TAFA2: variants seen among roughly 807,000 people sequenced by gnomAD.
TAFA2 encodes the protein TAFA chemokine like family member 2.
Under a neutral mutation model 18.8 loss-of-function variants are expected in TAFA2, and 7 were observed. That is an observed-to-expected ratio of 0.37 (90% CI 0.21 to 0.70). TAFA2 has a LOEUF of 0.70. TAFA2 is among the 30% of genes least tolerant of loss of function. TAFA2 has a pLI of 0.53. For missense variants in TAFA2, 122 were observed against 158.1 expected, an observed-to-expected ratio of 0.77 and a Z score of 1.23; for synonymous variants, 60 against 54.2, an observed-to-expected ratio of 1.11 and a Z score of -0.47.
At chr12:61,906,332 A>G (rs760980758) in intron 1 of TAFA2, among the ~76,000 whole-genome samples, 1 of 152,154 alleles carries the variant, frequency 6.6e-6, no homozygotes, top group Non-Finnish European at 1.5e-5. Flanking sequence ...TGCAGTTCTC[A>G]TGATAGTGAA....
chr12:62,233,387 G>A (rs939679850), intron 1 of TAFA2, among the ~76,000 whole-genome samples: 11 of 151,966 alleles, frequency 7.2e-5, no homozygotes, highest in Non-Finnish European at 1.6e-4. Context: ...AGCCCACTTT[G>A]TGCATTTCTA....
intron 1 of TAFA2, among the ~76,000 whole-genome samples, chr12:62,152,431 G>A (rs2062334859): frequency 6.6e-6 from 1 of 152,174 alleles, no homozygotes; most frequent in Non-Finnish European, 1.5e-5. Context: ...TCACTCCTTA[G>A]AGATTTTACT....
chr12:61,779,644 G>T (rs1033366873), intron 2 of TAFA2, among the ~76,000 whole-genome samples: 2 of 151,758 alleles, frequency 1.3e-5, no homozygotes, highest in Admixed American at 6.6e-5. Flanking sequence ...CTCCTAGTGG[G>T]GATAAATCAT....
intron 4 of TAFA2, among the ~76,000 whole-genome samples, chr12:61,721,150 G>C (rs78977089): frequency 0.019 from 2,950 of 151,806 alleles, 87 homozygotes; most frequent in African/African-American, 0.068. Context: ...CCTTTAAATG[G>C]GACTAAAATA....
chr12:62,074,488 T>C (rs1031665799), intron 1 of TAFA2, among the ~76,000 whole-genome samples: 1 of 152,186 alleles, frequency 6.6e-6, no homozygotes, highest in African/African-American at 2.4e-5. Context: ...TTTATTAATT[T>C]TGGAACTTCT....
At chr12:61,741,125 A>C (rs1052363504) in intron 4 of TAFA2, among the ~76,000 whole-genome samples, 6 of 152,146 alleles carry the variant, frequency 3.9e-5, no homozygotes, top group Non-Finnish European at 7.4e-5. Context: ...AACATTAAAA[A>C]TATGTGCAAT....
At chr12:62,170,883 G>A (rs10160858) in intron 1 of TAFA2, among the ~76,000 whole-genome samples, 64,461 of 151,890 alleles carry the variant, frequency 0.42, 13,946 homozygotes, top group Middle Eastern at 0.49. Context: ...TACCTTGGCC[G>A]TTGGCTTATT....
At chr12:61,913,293 G>T (rs1876687363) in intron 1 of TAFA2, among the ~76,000 whole-genome samples, 1 of 152,162 alleles carries the variant, frequency 6.6e-6, no homozygotes. Flanking sequence ...TATACACAGT[G>T]CCCTTCCTAT....
intron 1 of TAFA2, among the ~76,000 whole-genome samples, chr12:61,957,612 G>A (rs544277999): frequency 1.3e-5 from 2 of 152,224 alleles, no homozygotes; most frequent in African/African-American, 4.8e-5. Flanking sequence ...GCAGGCCAAA[G>A]ACAGGACTGG....
chr12:61,789,066 C>G (rs1225930513), intron 2 of TAFA2, among the ~76,000 whole-genome samples: 2 of 151,794 alleles, frequency 1.3e-5, no homozygotes, highest in Admixed American at 6.6e-5. Flanking sequence ...GGACAGATTG[C>G]AAAAATTTTC....
chr12:61,990,717 C>T (rs73130978), intron 1 of TAFA2, among the ~76,000 whole-genome samples: 12,427 of 152,196 alleles, frequency 0.082, 581 homozygotes, highest in South Asian at 0.14. Flanking sequence ...AACAAAATTA[C>T]TTATGTGGTA....
intron 1 of TAFA2, among the ~76,000 whole-genome samples, chr12:61,939,429 G>A (rs1877905955): frequency 6.6e-6 from 1 of 151,660 alleles, no homozygotes; most frequent in African/African-American, 2.4e-5. Flanking sequence ...TGGTTTATTG[G>A]CAAAAAATAC....
chr12:61,809,429 C>A (rs1871768097), intron 2 of TAFA2, among the ~76,000 whole-genome samples: 1 of 151,314 alleles, frequency 6.6e-6, no homozygotes, highest in Non-Finnish European at 1.5e-5. Context: ...TTGAACTTTA[C>A]TTTTTCACTA....
chr12:61,918,107 C>T (rs994696042), intron 1 of TAFA2, among the ~76,000 whole-genome samples: 1 of 151,918 alleles, frequency 6.6e-6, no homozygotes, highest in Non-Finnish European at 1.5e-5. Context: ...GTAATAATCA[C>T]ATGAGGGTAA....
upstream of TAFA2, among the ~76,000 whole-genome samples, chr12:62,194,209 G>T (rs2062639179): frequency 6.6e-6 from 1 of 152,044 alleles, no homozygotes; most frequent in African/African-American, 2.4e-5. Context: ...TCAATAGTGT[G>T]ATGAAATTCA....
chr12:61,982,886 A>AAAAAAAAG (rs1555181073), intron 1 of TAFA2, among the ~76,000 whole-genome samples: 4 of 151,756 alleles, frequency 2.6e-5, no homozygotes, highest in Non-Finnish European at 5.9e-5. Context: ...CAAAAAAAAA[A>AAAAAAAAG]AAAAAAAAGT....
intron 4 of TAFA2, among the ~76,000 whole-genome samples, chr12:61,727,596 G>T (rs1378402907): frequency 6.6e-6 from 1 of 151,564 alleles, no homozygotes. Flanking sequence ...GAGCTTATTT[G>T]GATCTTCTCT....
At chr12:62,221,288 T>C (rs2062761864) in intron 1 of TAFA2, among the ~76,000 whole-genome samples, 1 of 147,342 alleles carries the variant, frequency 6.8e-6, no homozygotes, top group Non-Finnish European at 1.5e-5. Context: ...GAAACAAAAA[T>C]ATTCACCAAA....
At chr12:61,755,072 T>A (rs751492860) in intron 2 of TAFA2, 48 bp from the exon 3 acceptor site, 1 of 1,589,298 alleles carries the variant, frequency 6.3e-7, no homozygotes, top group Non-Finnish European at 8.6e-7. Context: ...CTTTGGACAC[T>A]TCCCCCCACC....
Sources: gnomAD v4.1 joint callset for allele counts (sites outside exome capture counted in the v4.1 genomes callset) on GRCh38, gnomAD v4.1.1 for gene constraint, MANE v1.5 for transcripts, NCBI Gene and HGNC (gene_info 2026-07-23, HGNC 2026-07-21) for gene names.